HS6ST3: variants seen among roughly 807,000 people sequenced by gnomAD.
The protein encoded by HS6ST3 is heparan-sulfate 6-O-sulfotransferase 3.
Under a neutral mutation model 36.7 loss-of-function variants are expected in HS6ST3, and 12 were observed. The ratio of observed to expected loss-of-function variants is 0.33; its 90% CI spans 0.21 to 0.53. The LOEUF is 0.53. Among genes scored for constraint, HS6ST3 ranks in the 20% least tolerant of loss-of-function variants. HS6ST3 has a pLI of 0.95. For synonymous variants in HS6ST3, 240 were observed against 257.5 expected (o/e 0.93, Z 0.65); for missense variants, 584 against 640.9 (o/e 0.91, Z 0.96).
chr13:96,368,258 C>G (rs188794017), intron 1 of HS6ST3, among the ~76,000 whole-genome samples: 1 of 152,032 alleles, frequency 6.6e-6, no homozygotes, highest in Non-Finnish European at 1.5e-5. Flanking sequence ...CATAGGACGA[C>G]CCTATTTGGA....
chr13:96,580,838 A>G (rs1187871760), intron 1 of HS6ST3, among the ~76,000 whole-genome samples: 1 of 152,144 alleles, frequency 6.6e-6, no homozygotes, highest in African/African-American at 2.4e-5. Context: ...TGCTTTATTT[A>G]TTTCAAGCCT....
At position 96,557,237 on chromosome 13, in the gene HS6ST3, G is replaced by C. The variant is rs1482949262; in HGVS notation, c.708-275253G>C. On this transcript the variant is annotated intron_variant, in intron 1 of 1. Coordinates refer to ENST00000376705, the MANE Select transcript of HS6ST3 (RefSeq NM_153456.4). ...TCTTGTATCAGTTTTCATAGATGAA[G>C]GTGTACTAACAAAGGTTAAATGTCT... Among the ~76,000 whole-genome samples, 6 of 152,124 alleles carry C rather than the reference G, an allele frequency of 3.9e-5. No individual in the cohort carries two copies. The East Asian group carries it at 1.2e-3, about 29-fold the overall frequency.
chr13:96,589,294 A>C (rs563718687), intron 1 of HS6ST3, among the ~76,000 whole-genome samples: 3 of 151,966 alleles, frequency 2.0e-5, no homozygotes, highest in Non-Finnish European at 4.4e-5. Context: ...CATCAAGGAA[A>C]TTATGCATTT....
At chr13:96,565,048 C>G (rs963223147) in intron 1 of HS6ST3, among the ~76,000 whole-genome samples, 1 of 152,032 alleles carries the variant, frequency 6.6e-6, no homozygotes, top group East Asian at 1.9e-4. Context: ...TGAGGAAGAT[C>G]TCAAACATGG....
At chr13:96,403,392 A>G (rs1476912990) in intron 1 of HS6ST3, among the ~76,000 whole-genome samples, 6 of 152,220 alleles carry the variant, frequency 3.9e-5, no homozygotes, top group African/African-American at 1.2e-4. Context: ...GTAAAGTGCC[A>G]GTACCTTGGT....
chr13:96,372,700 T>C (rs963225256), intron 1 of HS6ST3, among the ~76,000 whole-genome samples: 4 of 152,212 alleles, frequency 2.6e-5, no homozygotes, highest in African/African-American at 9.6e-5. Context: ...TTTTTGCATG[T>C]GAGATAAAGA....
intron 1 of HS6ST3, among the ~76,000 whole-genome samples, chr13:96,532,573 A>G (rs1197993856): frequency 6.6e-6 from 1 of 152,192 alleles, no homozygotes; most frequent in East Asian, 1.9e-4. Flanking sequence ...CTTGACCTGA[A>G]CTTCAGGAAG....
At chr13:96,214,126 T>C (rs1270149291) in intron 1 of HS6ST3, among the ~76,000 whole-genome samples, 1 of 152,240 alleles carries the variant, frequency 6.6e-6, no homozygotes, top group Non-Finnish European at 1.5e-5. Flanking sequence ...CATATGCATG[T>C]ATGTCTAACC....
intron 1 of HS6ST3, among the ~76,000 whole-genome samples, chr13:96,336,498 T>C (rs932629896): frequency 2.0e-5 from 3 of 152,156 alleles, no homozygotes; most frequent in Non-Finnish European, 4.4e-5. Flanking sequence ...TAGGCCCCAA[T>C]CTAGTCTGAT....
chr13:96,090,814 CT>C lies in HS6ST3; in HGVS notation c.-48del. On this transcript the variant is annotated 5_prime_UTR_variant, in exon 1 of 2. The change abolishes the stop of an existing upstream ORF in the 5' untranslated region. Transcript: ENST00000376705. ...ACTTCCGAGCGGGCGCCCGTCCGCC[CT>C]GCCGCCGCCGCCGCCGCCGCTTCGC... The C allele has an allele frequency of 6.9e-7, 1 of 1,440,046 alleles. No homozygotes were observed. Among genetic ancestry groups the C allele is most frequent in the Non-Finnish European group, 9.2e-7 (1 of 1,091,182 alleles). 89.2% of individuals were successfully genotyped at this position (1,440,046 alleles called of 1,614,324 possible). A position where few individuals can be genotyped will look rare whatever the true frequency, so the allele number is the denominator to read the frequency against.
intron 1 of HS6ST3, among the ~76,000 whole-genome samples, chr13:96,287,413 G>A (rs975891179): frequency 2.0e-5 from 3 of 151,964 alleles, no homozygotes; most frequent in African/African-American, 7.3e-5. Context: ...GCTATTTTAA[G>A]ATATTTAAAG....
chr13:96,342,094 A>T (rs1424162171), intron 1 of HS6ST3, among the ~76,000 whole-genome samples: 1 of 152,062 alleles, frequency 6.6e-6, no homozygotes, highest in East Asian at 1.9e-4. Flanking sequence ...CAAAAAAAAA[A>T]GTTCATTATT....
chr13:96,783,105 C>T (rs932904006), intron 1 of HS6ST3, among the ~76,000 whole-genome samples: 2 of 152,094 alleles, frequency 1.3e-5, no homozygotes, highest in Non-Finnish European at 2.9e-5. Flanking sequence ...TCTTAGGAAC[C>T]AAGCATCTTA....
chr13:96,137,429 C>A (rs1170437360), intron 1 of HS6ST3, among the ~76,000 whole-genome samples: 1 of 122,380 alleles, frequency 8.2e-6, no homozygotes, highest in Non-Finnish European at 1.6e-5. Flanking sequence ...GAGGAACAAT[C>A]CTGAACATTT....
chr13:96,177,899 T>C (rs111916334), intron 1 of HS6ST3, among the ~76,000 whole-genome samples: 2 of 152,312 alleles, frequency 1.3e-5, no homozygotes, highest in African/African-American at 4.8e-5. Flanking sequence ...TGGAACCCAA[T>C]TCAAATAAAC....
chr13:96,620,378 C>A (rs2056489939), intron 1 of HS6ST3, among the ~76,000 whole-genome samples: 2 of 152,120 alleles, frequency 1.3e-5, no homozygotes, highest in Admixed American at 6.5e-5. Flanking sequence ...TAGTTAGGTC[C>A]AGAGCAGTAT....
intron 1 of HS6ST3, among the ~76,000 whole-genome samples, chr13:96,595,577 T>C (rs1225676310): frequency 6.6e-6 from 1 of 152,046 alleles, no homozygotes; most frequent in African/African-American, 2.4e-5. Flanking sequence ...TTACATCTTC[T>C]TCTAGGTTTG....
intron 1 of HS6ST3, among the ~76,000 whole-genome samples, chr13:96,660,855 C>T (rs933369887): frequency 6.6e-6 from 1 of 152,122 alleles, no homozygotes; most frequent in Non-Finnish European, 1.5e-5. Context: ...GAGGAAGACC[C>T]ACCTTCAGGG....
chr13:96,185,755 T>A (rs2054262061), intron 1 of HS6ST3, among the ~76,000 whole-genome samples: 1 of 152,214 alleles, frequency 6.6e-6, no homozygotes, highest in Non-Finnish European at 1.5e-5. Flanking sequence ...TTTACTTGAA[T>A]TTAGAGAGAG....
Sources: allele counts gnomAD v4.1 joint callset (sites outside exome capture counted in the v4.1 genomes callset), GRCh38; gene constraint gnomAD v4.1.1; transcripts MANE v1.5; gene names NCBI Gene and HGNC (gene_info 2026-07-23, HGNC 2026-07-21).